TNR: variants seen among roughly 807,000 people sequenced by gnomAD.
TNR encodes the protein tenascin-R.
A neutral mutation model predicts 150.4 loss-of-function variants in TNR; 45 were observed. That is an observed-to-expected ratio of 0.30 (90% CI 0.24 to 0.38). TNR has a LOEUF of 0.38. TNR is among the 10% of genes least tolerant of loss of function. The pLI is 1.00. For synonymous variants in TNR, 687 were observed against 678.4 expected (o/e 1.01, Z -0.20); for missense variants, 1,544 against 1,759.1 (o/e 0.88, Z 2.19).
intron 1 of TNR, among the ~76,000 whole-genome samples, chr1:175,546,295 G>C (rs1660683991): frequency 6.6e-6 from 1 of 152,156 alleles, no homozygotes; most frequent in African/African-American, 2.4e-5. Context: ...GGGCAACTTG[G>C]ACATAAAGAG....
chr1:175,577,822 C>T (rs1372392759), intron 1 of TNR, among the ~76,000 whole-genome samples: 5 of 152,136 alleles, frequency 3.3e-5, no homozygotes, highest in African/African-American at 7.2e-5. Context: ...GCTATATTCC[C>T]GAGCCTATTA....
chr1:175,403,318 G>A lies in TNR; in HGVS notation c.798C>T (p.Cys266=). 6.2e-7 allele frequency: 1 copy of A among 1,614,122 alleles called. No individual in the cohort carries two copies. The highest frequency in any genetic ancestry group is 8.5e-7 in the Non-Finnish European group (1 of 1,180,008). The stretch of plus-strand genomic sequence containing the variant: ...TCCCCTTCCCCGAACAGTCCCCAGG[G>A]CACCTCAGTTCCCTGCAGTCCTCGC... ...YTGEDCRELR[C]PGDCSGKGRC... is the part of the protein sequence containing the mutation. The change falls in exon 4 of 23, where the codon TGC becomes TGT. Residue 266 remains cysteine (C), a synonymous_variant. Transcript: ENST00000367674.
At chr1:175,374,404 T>A (rs909104141) in intron 9 of TNR, among the ~76,000 whole-genome samples, 10 of 152,018 alleles carry the variant, frequency 6.6e-5, no homozygotes, top group African/African-American at 2.4e-4. Context: ...GAAAGTGTAG[T>A]GTGTACGTAT....
chr1:175,645,855 C>A (rs559544687), intron 1 of TNR, among the ~76,000 whole-genome samples: 1 of 152,230 alleles, frequency 6.6e-6, no homozygotes, highest in Admixed American at 6.5e-5. Context: ...ATACTGAATA[C>A]TGTCAAATAC....
In TNR at chr1:175,322,101, A is replaced by G. The variant is rs976835640; in HGVS notation, c.*1256T>C. ...AGGGAAGATCTGTGTTTCCCATGGA[A>G]ACTATAATCTCTATGGCAGTGCCCT... On this transcript the variant is annotated 3_prime_UTR_variant, in exon 23 of 23. Transcript: ENST00000367674. 1 of 152,234 alleles carries G rather than the reference A, an allele frequency of 6.6e-6. No homozygotes were observed. Among genetic ancestry groups the G allele is most frequent in the Non-Finnish European group, 1.5e-5 (1 of 68,030 alleles). The allele number at this position is 152,234 out of a possible 1,614,324, so 9.4% of individuals were successfully genotyped here.
intron 1 of TNR, among the ~76,000 whole-genome samples, chr1:175,741,308 C>CCAATAATGT (rs1439861313): frequency 6.6e-6 from 1 of 152,164 alleles, no homozygotes; most frequent in Admixed American, 6.5e-5. Flanking sequence ...TAAAATGGGT[C>CCAATAATGT]CAATAATGTC....
intron 17 of TNR, among the ~76,000 whole-genome samples, chr1:175,355,034 T>A (rs879487804): frequency 9.2e-5 from 14 of 152,228 alleles, no homozygotes; most frequent in Non-Finnish European, 1.8e-4. Context: ...TACACAGATA[T>A]CACCTTTATA....
chr1:175,438,079 A>G (rs1189020888), intron 2 of TNR, among the ~76,000 whole-genome samples: 1 of 152,220 alleles, frequency 6.6e-6, no homozygotes, highest in Non-Finnish European at 1.5e-5. Flanking sequence ...CAATAAAAAA[A>G]GAGAATTTTA....
chr1:175,490,410 AG>A (rs1479700688), intron 2 of TNR, among the ~76,000 whole-genome samples: 1 of 152,246 alleles, frequency 6.6e-6, no homozygotes, highest in Non-Finnish European at 1.5e-5. Flanking sequence ...GCACAACAAA[AG>A]AAACTATCAA....
rs139061063 is a variant in TNR, at chr1:175,689,786, G to A, written c.-165+53440C>T. Among the ~76,000 whole-genome samples, 26 of 152,298 alleles carry A rather than the reference G, an allele frequency of 1.7e-4. No individual in the cohort carries two copies. The East Asian group carries it at 2.7e-3, about 16-fold the overall frequency. On this transcript the variant is annotated intron_variant, in intron 1 of 22. Coordinates refer to ENST00000367674, the MANE Select transcript of TNR (RefSeq NM_003285.3). ...GGGGTGAGGGAAGACTGCAGGCTGC[G>A]TTTTCTCTCTCTCACTGTGCTTATT...
intron 2 of TNR, among the ~76,000 whole-genome samples, chr1:175,483,365 G>A (rs1571504156): frequency 2.0e-5 from 3 of 152,300 alleles, no homozygotes; most frequent in African/African-American, 7.2e-5. Context: ...ATCTTAGGGT[G>A]AGTTCAAAGT....
At chr1:175,609,209 AGAAG>A (rs1048760224) in intron 1 of TNR, among the ~76,000 whole-genome samples, 2 of 152,226 alleles carry the variant, frequency 1.3e-5, no homozygotes, top group African/African-American at 4.8e-5. Flanking sequence ...AAGAAGAGAA[AGAAG>A]GAAGTTGAAT....
intron 18 of TNR, among the ~76,000 whole-genome samples, chr1:175,350,494 G>C (rs964530483): frequency 6.6e-6 from 1 of 152,150 alleles, no homozygotes; most frequent in Non-Finnish European, 1.5e-5. Context: ...GTAGACCTTG[G>C]ATGAAATTTC....
At chr1:175,334,086 T>C (rs1650093689) in intron 20 of TNR, among the ~76,000 whole-genome samples, 1 of 152,020 alleles carries the variant, frequency 6.6e-6, no homozygotes. Context: ...TAATGTGGAG[T>C]CATTGAAAAG....
At chr1:175,483,726 C>G (rs1481996564) in intron 2 of TNR, among the ~76,000 whole-genome samples, 1 of 152,166 alleles carries the variant, frequency 6.6e-6, no homozygotes, top group Non-Finnish European at 1.5e-5. Flanking sequence ...GGCTCAAAAC[C>G]AAACCCCAAG....
chr1:175,384,430 C>A (rs550634336), intron 8 of TNR, among the ~76,000 whole-genome samples: 1 of 152,238 alleles, frequency 6.6e-6, no homozygotes, highest in Non-Finnish European at 1.5e-5. Flanking sequence ...CCACTGGGCA[C>A]CCCCTGGGTG....
rs185389034 is a variant in TNR at position 175,728,239 on chromosome 1, C to G, written c.-165+14987G>C. On this transcript the variant is annotated intron_variant, in intron 1 of 22. Transcript: ENST00000367674. ...ATGGATGGCTAAAAAGAGGCAAGGT[C>G]AGAGGCTGCAATTATGTAATTGCTG... Among the ~76,000 whole-genome samples the G allele has an allele frequency of 1.2e-3, 184 of 152,214 alleles. 1 individual carries two copies. Among genetic ancestry groups the G allele is most frequent in the Non-Finnish European group, 4.0e-4 (27 of 68,014 alleles).
intron 2 of TNR, among the ~76,000 whole-genome samples, chr1:175,455,940 G>A (rs913864439): frequency 7.9e-5 from 12 of 152,106 alleles, no homozygotes; most frequent in Non-Finnish European, 5.9e-5. Context: ...GAGAGTGAAC[G>A]GGGGCACTAT....
chr1:175,379,053 C>T (rs1652540264), intron 9 of TNR, among the ~76,000 whole-genome samples: 1 of 152,022 alleles, frequency 6.6e-6, no homozygotes, highest in South Asian at 2.1e-4. Flanking sequence ...GTGGCAGATG[C>T]CTGTAATCCT....
Sources: gnomAD v4.1 joint callset for allele counts (sites outside exome capture counted in the v4.1 genomes callset) on GRCh38, gnomAD v4.1.1 for gene constraint, MANE v1.5 for transcripts, NCBI Gene and HGNC (gene_info 2026-07-23, HGNC 2026-07-21) for gene names.